Variants in EHBP1 observed in about 807,000 individuals in gnomAD.
EHBP1 encodes EH domain-binding protein 1.
Under a neutral mutation model 144.0 loss-of-function variants are expected in EHBP1, and 55 were observed. The ratio of observed to expected loss-of-function variants is 0.38; its 90% CI spans 0.31 to 0.48. The LOEUF (loss-of-function observed/expected upper bound fraction) is 0.48, where lower values mean the gene tolerates loss of function less well. EHBP1 is among the 20% of genes least tolerant of loss of function. The pLI is 0.98. For missense variants in EHBP1, 1,200 were observed against 1,364.2 expected, an observed-to-expected ratio of 0.88 and a Z score of 1.90; for synonymous variants, 469 against 472.7, an observed-to-expected ratio of 0.99 and a Z score of 0.10.
intron 3 of EHBP1, among the ~76,000 whole-genome samples, chr2:62,755,375 T>C (rs1447425605): frequency 2.0e-5 from 3 of 152,226 alleles, no homozygotes; most frequent in Non-Finnish European, 4.4e-5. Context: ...GCAAATATAC[T>C]ACAATATGAT....
intron 2 of EHBP1, among the ~76,000 whole-genome samples, chr2:62,717,757 C>T (rs992473967): frequency 2.0e-5 from 3 of 151,776 alleles, no homozygotes; most frequent in Non-Finnish European, 2.9e-5. Context: ...ATAACAAACA[C>T]TTTAAAATTT....
chr2:62,725,418 G>A (rs549575156), intron 2 of EHBP1, among the ~76,000 whole-genome samples: 7 of 152,190 alleles, frequency 4.6e-5, no homozygotes, highest in African/African-American at 7.2e-5. Flanking sequence ...GTGGGGATGC[G>A]GGGGCCCCCT....
chr2:62,746,178 A>T (rs567691871), intron 2 of EHBP1, among the ~76,000 whole-genome samples: 1 of 151,868 alleles, frequency 6.6e-6, no homozygotes, highest in East Asian at 1.9e-4. Context: ...CTTCTTCCCA[A>T]CCCCATCTAT....
intron 10 of EHBP1, among the ~76,000 whole-genome samples, chr2:62,908,063 A>T (rs938135262): frequency 1.3e-5 from 2 of 152,126 alleles, no homozygotes; most frequent in Non-Finnish European, 2.9e-5. Flanking sequence ...GGAGAATTTA[A>T]CCAATGAAGC....
chr2:62,708,575 T>C (rs2034825651), intron 2 of EHBP1, among the ~76,000 whole-genome samples: 1 of 152,176 alleles, frequency 6.6e-6, no homozygotes, highest in Non-Finnish European at 1.5e-5. Flanking sequence ...AGGGTAATTG[T>C]GAAGATTAAA....
chr2:62,994,753 A>G (rs2059565087), intron 18 of EHBP1, among the ~76,000 whole-genome samples: 2 of 152,156 alleles, frequency 1.3e-5, no homozygotes, highest in South Asian at 2.1e-4. Context: ...AGAGTCACCA[A>G]CTACATTTTA....
At chr2:62,692,845 A>T (rs2033952997) in intron 1 of EHBP1, among the ~76,000 whole-genome samples, 1 of 152,126 alleles carries the variant, frequency 6.6e-6, no homozygotes, top group Admixed American at 6.6e-5. Flanking sequence ...GGGTACAAGC[A>T]TTTATCCTTT....
chr2:62,841,204 A>G (rs997705241), intron 7 of EHBP1, among the ~76,000 whole-genome samples: 4 of 152,126 alleles, frequency 2.6e-5, no homozygotes, highest in Non-Finnish European at 5.9e-5. Flanking sequence ...CATGGATGAA[A>G]TTGGAAATCA....
intron 1 of EHBP1, among the ~76,000 whole-genome samples, chr2:62,682,275 A>C (rs2033558487): frequency 6.6e-6 from 1 of 152,230 alleles, no homozygotes; most frequent in Admixed American, 6.5e-5. Context: ...GTGATAAATA[A>C]GGGATCTTAT....
intron 4 of EHBP1, among the ~76,000 whole-genome samples, chr2:62,766,980 A>C (rs915141057): frequency 7.5e-5 from 11 of 147,204 alleles, no homozygotes; most frequent in Admixed American, 7.4e-4. Flanking sequence ...AAAAAAAAAA[A>C]GGTTGCATTT....
At position 63,013,737 on chromosome 2, in the gene EHBP1, T is replaced by C. The variant is rs370529389; in HGVS notation, c.3103+16971T>C. ...ACTAAATGAGAATTTCGAATGCTTT[T>C]TGTGTTAGGACCTGGTGCTTTTCAG... On this transcript the variant is annotated intron_variant, in intron 19 of 22. Transcript: ENST00000431489. Among the ~76,000 whole-genome samples, 18 of 152,324 alleles carry C rather than the reference T, an allele frequency of 1.2e-4. No individual in the cohort carries two copies. The South Asian group carries it at 3.7e-3, about 32-fold the overall frequency.
At chr2:62,898,688 A>G (rs1201912735) in intron 10 of EHBP1, among the ~76,000 whole-genome samples, 2 of 152,080 alleles carry the variant, frequency 1.3e-5, no homozygotes, top group South Asian at 2.1e-4. Context: ...TTAGTATGCA[A>G]TAGGTACTCA....
At chr2:62,932,609 G>T (rs1393431264) in intron 10 of EHBP1, among the ~76,000 whole-genome samples, 2 of 152,136 alleles carry the variant, frequency 1.3e-5, no homozygotes, top group African/African-American at 4.8e-5. Context: ...AAGTTCTGGA[G>T]ATCTGTTTCA....
At chr2:62,997,643 TA>T (rs1323030419) in intron 19 of EHBP1, among the ~76,000 whole-genome samples, 2 of 152,164 alleles carry the variant, frequency 1.3e-5, no homozygotes, top group African/African-American at 4.8e-5. Context: ...TACAGTAGAT[TA>T]GCATGATTTA....
intron 9 of EHBP1, among the ~76,000 whole-genome samples, chr2:62,874,089 C>T (rs932333274): frequency 2.4e-4 from 37 of 152,016 alleles, no homozygotes; most frequent in Admixed American, 6.6e-5. Flanking sequence ...TTTTTCTAAG[C>T]TTCTATATAT....
intron 2 of EHBP1, among the ~76,000 whole-genome samples, chr2:62,708,387 T>C (rs1430124465): frequency 6.6e-6 from 1 of 152,146 alleles, no homozygotes; most frequent in African/African-American, 2.4e-5. Flanking sequence ...TGCAGTCCAG[T>C]ATAAGGAGAG....
intron 10 of EHBP1, among the ~76,000 whole-genome samples, chr2:62,918,923 T>G (rs1279500571): frequency 6.6e-6 from 1 of 152,072 alleles, no homozygotes; most frequent in African/African-American, 2.4e-5. Context: ...GTAACTATTT[T>G]GGAAACCTGG....
chr2:62,921,935 G>A (rs1299787825), intron 10 of EHBP1, among the ~76,000 whole-genome samples: 1 of 152,172 alleles, frequency 6.6e-6, no homozygotes, highest in East Asian at 1.9e-4. Context: ...CCAGCACTTC[G>A]GGAGGCTGAG....
chr2:62,723,508 A>G (rs2036440452), intron 2 of EHBP1, among the ~76,000 whole-genome samples: 1 of 151,862 alleles, frequency 6.6e-6, no homozygotes, highest in African/African-American at 2.4e-5. Flanking sequence ...ATATGTTTGG[A>G]TTTGATCCTG....
Sources: gnomAD v4.1 joint callset for allele counts (sites outside exome capture counted in the v4.1 genomes callset) on GRCh38, gnomAD v4.1.1 for gene constraint, MANE v1.5 for transcripts, NCBI Gene and HGNC (gene_info 2026-07-23, HGNC 2026-07-21) for gene names.